AADAC: variants seen among roughly 807,000 people sequenced by gnomAD.
The protein encoded by AADAC is arylacetamide deacetylase.
A neutral mutation model predicts 22.7 loss-of-function variants in AADAC; 17 were observed. That is an observed-to-expected ratio of 0.75 (90% CI 0.51 to 1.12). The LOEUF (loss-of-function observed/expected upper bound fraction) is 1.12, where lower values mean the gene tolerates loss of function less well. AADAC is among the 50% of genes most tolerant of loss of function. The probability of loss-of-function intolerance (pLI) is 0.00; values close to 1 mark genes in which losing one functional copy is unlikely to be tolerated. For synonymous variants in AADAC, 167 were observed against 176.3 expected (o/e 0.95, Z 0.42); for missense variants, 465 against 473.9 (o/e 0.98, Z 0.17).
chr3:151,822,390 G>A (rs1438848407), intron 3 of AADAC, among the ~76,000 whole-genome samples: 1 of 151,936 alleles, frequency 6.6e-6, no homozygotes, highest in South Asian at 2.1e-4. Flanking sequence ...AAAAGTGGAA[G>A]CAACCCAATG....
At chr3:151,816,590 G>A (rs1208245312) in intron 1 of AADAC, among the ~76,000 whole-genome samples, 1 of 151,986 alleles carries the variant, frequency 6.6e-6, no homozygotes. Flanking sequence ...TAGTGACATA[G>A]GAACTAAATT....
chr3:151,817,051 C>T (rs1004192614), intron 1 of AADAC, among the ~76,000 whole-genome samples: 7 of 152,164 alleles, frequency 4.6e-5, no homozygotes, highest in Admixed American at 1.3e-4. Context: ...AAATCACCTC[C>T]ACAAAAGAAA....
chr3:151,816,984 G>T (rs888498724), intron 1 of AADAC, among the ~76,000 whole-genome samples: 22 of 152,036 alleles, frequency 1.4e-4, no homozygotes, highest in African/African-American at 5.3e-4. Context: ...ATTTTTCCTA[G>T]ATCTGGACAA....
chr3:151,825,493 T>G (rs1451260107), intron 4 of AADAC, among the ~76,000 whole-genome samples: 2 of 151,910 alleles, frequency 1.3e-5, no homozygotes, highest in Admixed American at 1.3e-4. Context: ...TATTACGCTA[T>G]TAGAGATTCA....
At chr3:151,823,143 T>C (rs1194985466) in intron 3 of AADAC, among the ~76,000 whole-genome samples, 4 of 151,786 alleles carry the variant, frequency 2.6e-5, no homozygotes, top group African/African-American at 9.7e-5. Flanking sequence ...CCGGGTGTGG[T>C]GGTGGGCACC....
chr3:151,824,976 T>G, intron 4 of AADAC, 142 bp downstream of exon 4: 1 of 616,578 alleles, frequency 1.6e-6, no homozygotes, highest in South Asian at 4.7e-5. Flanking sequence ...AAAGAGAATA[T>G]TGAGAAGAAA....
At chr3:151,825,196 A>T (rs1716429925) in intron 4 of AADAC, among the ~76,000 whole-genome samples, 1 of 148,514 alleles carries the variant, frequency 6.7e-6, no homozygotes, top group African/African-American at 2.5e-5. Flanking sequence ...ACACAGTGAG[A>T]CCCTGTCTCT....
intron 3 of AADAC, among the ~76,000 whole-genome samples, chr3:151,821,734 C>A (rs971909273): frequency 3.3e-5 from 5 of 151,830 alleles, no homozygotes; most frequent in African/African-American, 1.2e-4. Flanking sequence ...TAATTCATTG[C>A]AATGACTAAT....
At chr3:151,814,818 G>A (rs565957863) in intron 1 of AADAC, among the ~76,000 whole-genome samples, 1 of 152,110 alleles carries the variant, frequency 6.6e-6, no homozygotes, top group Non-Finnish European at 1.5e-5. Context: ...AAATGAGAGG[G>A]GGAGGGAGAC....
intron 4 of AADAC, 79 bp downstream of exon 4, chr3:151,824,913 G>T: frequency 1.7e-6 from 2 of 1,155,198 alleles, no homozygotes; most frequent in Non-Finnish European, 2.3e-6. Flanking sequence ...CATATTGAAT[G>T]CATGTATTAA....
At position 151,817,390 on chromosome 3, in the gene AADAC, C is replaced by A; in HGVS notation, c.163C>A (p.Leu55Ile). The change falls in exon 2 of 5, where the codon CTT (leucine) becomes ATT (isoleucine). Residue 55 changes from leucine to isoleucine, a missense_variant. Transcript: ENST00000232892. ...GGCTACATTTGTGGAGCTCCTGGGA[C>A]TTCACCATTTTATGGATTCCTTTAA... ...NLATFVELLG[L>I]HHFMDSFKVV... is the part of the protein sequence containing the mutation. The A allele has an allele frequency of 6.2e-7, 1 of 1,613,484 alleles. No individual in the cohort carries two copies. Among genetic ancestry groups the A allele is most frequent in the Non-Finnish European group, 8.5e-7 (1 of 1,179,514 alleles).
Position 151,827,863 on chromosome 3 carries a change from T to C in AADAC, c.891T>C (p.Tyr297=). 1 of 1,613,036 alleles carries C rather than the reference T, an allele frequency of 6.2e-7. No homozygotes were observed. Among genetic ancestry groups the C allele is most frequent in the Non-Finnish European group, 8.5e-7 (1 of 1,179,526 alleles). Reference sequence around the variant, plus strand: ...AGAGGTTTATAAAAGGACATGTTTATAACAATCCAAATTATGGCAGTTCTG... The same window carrying C: ...AGAGGTTTATAAAAGGACATGTTTACAACAATCCAAATTATGGCAGTTCTG... ...LPERFIKGHV[Y]NNPNYGSSEL... Residue 297 remains tyrosine, a synonymous_variant, in exon 5 of 5, where the codon TAT becomes TAC. Transcript: ENST00000232892.
chr3:151,822,522 TACC>T (rs1560312260), intron 3 of AADAC, among the ~76,000 whole-genome samples: 1 of 152,100 alleles, frequency 6.6e-6, no homozygotes, highest in African/African-American at 2.4e-5. Flanking sequence ...TGTGTAAATA[TACC>T]ACATTTTATT....
chr3:151,828,388 TGTTA>T lies in AADAC; in HGVS notation c.*217_*220del, dbSNP rs1384049319. 2 of 317,534 alleles carry T rather than the reference TGTTA, an allele frequency of 6.3e-6. No individual in the cohort carries two copies. Among genetic ancestry groups the T allele is most frequent in the African/African-American group, 4.3e-5 (2 of 46,678 alleles). The allele number at this position is 317,534 out of a possible 1,614,324, so 19.7% of individuals were successfully genotyped here. On this transcript the variant is annotated 3_prime_UTR_variant, in exon 5 of 5. Transcript: ENST00000232892. The stretch of plus-strand genomic sequence containing the variant: ...TTTTCTGAGATTTTCCTTCTTACAC[TGTTA>T]ATCTTATTTTAAAAAATATTACATT...
Position 151,822,220 on chromosome 3 carries a change from A to G in AADAC, c.431+1768A>G, listed in dbSNP as rs1417669460. On this transcript the variant is annotated intron_variant, in intron 3 of 4. Transcript: ENST00000232892. ...GGACATGGAAAAATCAGAATCCTCT[A>G]TACTGCTGGTGGGAATAAACACTTC... Among the ~76,000 whole-genome samples the G allele has an allele frequency of 3.3e-5, 5 of 152,004 alleles. 1 individual carries two copies. The highest frequency in any genetic ancestry group is 4.4e-5 in the Non-Finnish European group (3 of 67,958).
In AADAC at chr3:151,827,577, T is replaced by C. The variant is rs1339176058; in HGVS notation, c.605T>C (p.Leu202Pro). ...TGTGCAAATCATCTTGCTTCTCAGC[T>C]CCTTGATGACCCAGATGTCAAGATC... ...GNLAAAVTQQ[L>P]LDDPDVKIKL... The change falls in exon 5 of 5, where the codon CTC (leucine) becomes CCC (proline). Residue 202 changes from leucine to proline, a missense_variant and splice_region_variant. By Grantham distance (98) the Leu-to-Pro change is moderately conservative. Coordinates refer to ENST00000232892, the MANE Select transcript of AADAC (RefSeq NM_001086.3). The C allele has an allele frequency of 6.5e-7, 1 of 1,537,152 alleles. No homozygotes were observed. Among genetic ancestry groups the C allele is most frequent in the South Asian group, 1.3e-5 (1 of 79,424 alleles).
At chr3:151,823,820 G>A (rs534678765) in intron 3 of AADAC, among the ~76,000 whole-genome samples, 1 of 152,132 alleles carries the variant, frequency 6.6e-6, no homozygotes, top group Non-Finnish European at 1.5e-5. Context: ...AATATTCATA[G>A]CAGCACTGTT....
chr3:151,826,559 T>G (rs1466062264), intron 4 of AADAC, among the ~76,000 whole-genome samples: 1 of 151,990 alleles, frequency 6.6e-6, no homozygotes, highest in Non-Finnish European at 1.5e-5. Flanking sequence ...ATATCTGTAC[T>G]TTTATTTAGA....
At chr3:151,821,182 T>A (rs2108030626) in intron 3 of AADAC, among the ~76,000 whole-genome samples, 1 of 152,016 alleles carries the variant, frequency 6.6e-6, no homozygotes, top group South Asian at 2.1e-4. Context: ...GATAACATCC[T>A]TGAAACAGAG....
Sources: allele counts gnomAD v4.1 joint callset (sites outside exome capture counted in the v4.1 genomes callset), GRCh38; gene constraint gnomAD v4.1.1; transcripts MANE v1.5; gene names NCBI Gene and HGNC (gene_info 2026-07-23, HGNC 2026-07-21).